BRI3BP: variants seen among roughly 807,000 people sequenced by gnomAD.
The protein encoded by BRI3BP is BRI3 binding protein.
Under a neutral mutation model 15.8 loss-of-function variants are expected in BRI3BP, and 7 were observed. That is an observed-to-expected ratio of 0.44 (90% CI 0.25 to 0.83). The LOEUF (loss-of-function observed/expected upper bound fraction) is 0.83. Ranked by LOEUF, BRI3BP falls within the 40% of genes least tolerant of loss-of-function variation. The pLI, the probability that BRI3BP is intolerant of heterozygous loss-of-function variation, is 0.20. For synonymous variants in BRI3BP, 192 were observed against 163.5 expected, an observed-to-expected ratio of 1.17 and a Z score of -1.33; for missense variants, 320 against 339.3, an observed-to-expected ratio of 0.94 and a Z score of 0.45.
At chr12:125,002,016 T>C (rs1223142702) in intron 1 of BRI3BP, among the ~76,000 whole-genome samples, 1 of 152,206 alleles carries the variant, frequency 6.6e-6, no homozygotes, top group Non-Finnish European at 1.5e-5. Flanking sequence ...TGTGTCTGGC[T>C]TCTTTCACTT....
At chr12:125,010,445 C>G (rs190979083) in intron 1 of BRI3BP, among the ~76,000 whole-genome samples, 1 of 152,280 alleles carries the variant, frequency 6.6e-6, no homozygotes, top group East Asian at 1.9e-4. Flanking sequence ...CTTATCTCCT[C>G]TGTCCTGTAG....
rs1422221065 is a variant in BRI3BP, at chr12:125,028,769, T to C, written c.*3339T>C. On this transcript the variant is annotated 3_prime_UTR_variant, in exon 3 of 3. Transcript: ENST00000341446. ...AATAATTGGGGATTTTTTTGTTCCT[T>C]CTCCATTCCATGGAACCTTGTAGGG... 3.3e-5 allele frequency: 5 copies of C among 152,218 alleles called. No homozygotes were observed. The highest frequency in any genetic ancestry group is 7.3e-5 in the Non-Finnish European group (5 of 68,040). The allele number at this position is 152,218 out of a possible 1,614,324, so 9.4% of individuals were successfully genotyped here.
Position 124,993,730 on chromosome 12 carries a change from C to G in BRI3BP, c.-61C>G. 1.1e-6 allele frequency: 1 copy of G among 931,026 alleles called. No individual in the cohort carries two copies. The highest frequency in any genetic ancestry group is 1.3e-6 in the Non-Finnish European group (1 of 781,082). 57.7% of individuals were successfully genotyped at this position (931,026 alleles called of 1,614,324 possible). A position where few individuals can be genotyped will look rare whatever the true frequency, so the allele number is the denominator to read the frequency against. On this transcript the variant is annotated 5_prime_UTR_variant, in exon 1 of 3. Transcript: ENST00000341446. Reference sequence around the variant, plus strand: ...CGCCAACCTTGCCCTAGCCGGAGCCCGCTGCGGCCCAGCGCACGGCCCTCA... The same window carrying G: ...CGCCAACCTTGCCCTAGCCGGAGCCGGCTGCGGCCCAGCGCACGGCCCTCA...
the BRI3BP span, among the ~76,000 whole-genome samples, chr12:125,049,231 A>T: frequency 2.6e-4 from 39 of 152,210 alleles, no homozygotes; most frequent in Non-Finnish European, 4.7e-4. Flanking sequence ...GAGAGCCCAG[A>T]TTTAACTCAG....
intron 2 of BRI3BP, among the ~76,000 whole-genome samples, chr12:125,016,582 A>G (rs552888853): frequency 7.2e-5 from 11 of 151,810 alleles, no homozygotes; most frequent in Non-Finnish European, 1.2e-4. Flanking sequence ...CTGAAGTGCA[A>G]TGGCGCTATC....
At chr12:124,999,952 A>G (rs1461145875) in intron 1 of BRI3BP, among the ~76,000 whole-genome samples, 6 of 41,610 alleles carry the variant, frequency 1.4e-4, no homozygotes, top group African/African-American at 5.0e-4. Flanking sequence ...TATGTATGAG[A>G]CAGATGGTCT....
chr12:125,019,643 TTTTTTTTTTTTTTTGCC>T (rs201842429), intron 2 of BRI3BP, among the ~76,000 whole-genome samples: 67,583 of 120,822 alleles, frequency 0.56, 20,527 homozygotes, highest in East Asian at 0.74. Context: ...CCCTTTTTTT[TTTTTTTTTTTTTTTGCC>T]TTTTTTGCTG....
At chr12:125,018,103 G>A (rs1955262975) in intron 2 of BRI3BP, among the ~76,000 whole-genome samples, 1 of 152,152 alleles carries the variant, frequency 6.6e-6, no homozygotes, top group African/African-American at 2.4e-5. Context: ...TCTGGGACCT[G>A]CCAATCTCAC....
intron 1 of BRI3BP, among the ~76,000 whole-genome samples, chr12:124,997,214 C>CTCTTTTTTTTTTTTTTTTTTTTTTTTT (rs1335395514): frequency 1.9e-5 from 1 of 51,550 alleles, no homozygotes; most frequent in Non-Finnish European, 3.2e-5. Context: ...CTTTACTTCT[C>CTCTTTTTTTTTTTTTTTTTTTTTTTTT]TTTTTTTTTT....
intron 1 of BRI3BP, among the ~76,000 whole-genome samples, chr12:125,007,891 C>T (rs1374793497): frequency 6.6e-6 from 1 of 152,224 alleles, no homozygotes; most frequent in African/African-American, 2.4e-5. Flanking sequence ...CCATTGTGCA[C>T]GTATGTCTGG....
chr12:125,023,443 A>C (rs950875033), intron 2 of BRI3BP, among the ~76,000 whole-genome samples: 1 of 152,214 alleles, frequency 6.6e-6, no homozygotes, highest in Non-Finnish European at 1.5e-5. Context: ...GAAATGCTTT[A>C]ATCCTAGGTA....
At chr12:125,037,599 C>T in the BRI3BP span, among the ~76,000 whole-genome samples, 1 of 151,054 alleles carries the variant, frequency 6.6e-6, no homozygotes, top group Non-Finnish European at 1.5e-5. Flanking sequence ...ATCACGAGGC[C>T]AGGAGTTTGA....
At chr12:125,036,564 C>T in the BRI3BP span, among the ~76,000 whole-genome samples, 6 of 130,262 alleles carry the variant, frequency 4.6e-5, no homozygotes, top group South Asian at 1.4e-3. Context: ...CATGAAACAA[C>T]AGCTAGCACA....
In BRI3BP at chr12:125,025,148, C is replaced by G. The variant is rs778337407; in HGVS notation, c.474C>G (p.Phe158Leu). 6.2e-7 allele frequency: 1 copy of G among 1,614,088 alleles called. No homozygotes were observed. Among genetic ancestry groups the G allele is most frequent in the Non-Finnish European group, 8.5e-7 (1 of 1,180,054 alleles). Residue 158 changes from phenylalanine to leucine, a missense_variant, in exon 3 of 3, where the codon TTC becomes TTG. Phe to Leu is a conservative substitution (Grantham distance 22, BLOSUM62 0). Coordinates refer to ENST00000341446, the MANE Select transcript of BRI3BP (RefSeq NM_080626.6). Reference sequence around the variant, plus strand: ...TGCACGTGGTGTTCGGCCGCTTCTTCTGGATCGTGCGGGTCGTCCTGTTTT... The same window carrying G: ...TGCACGTGGTGTTCGGCCGCTTCTTGTGGATCGTGCGGGTCGTCCTGTTTT... The part of the protein sequence containing the change: ...SVLHVVFGRF[F>L]WIVRVVLFSM...
chr12:125,020,376 C>T (rs931519144), intron 2 of BRI3BP, among the ~76,000 whole-genome samples: 3 of 152,190 alleles, frequency 2.0e-5, no homozygotes, highest in Admixed American at 6.5e-5. Flanking sequence ...AGGAACAAGG[C>T]GGTTCTCTGG....
the BRI3BP span, among the ~76,000 whole-genome samples, chr12:125,050,135 G>A: frequency 6.6e-6 from 1 of 152,060 alleles, no homozygotes. Flanking sequence ...GGCGGATCAC[G>A]AGGTCACGAG....
rs947806254 is a variant in BRI3BP at position 125,020,724 on chromosome 12, A to G, written c.317-4267A>G. Reference sequence around the variant, plus strand: ...ACACAGTGAGACCCTGTATCTACAAAAAATCAAAACATTAGCTTGGTGGTG... The same window carrying G: ...ACACAGTGAGACCCTGTATCTACAAGAAATCAAAACATTAGCTTGGTGGTG... On this transcript the variant is annotated intron_variant, in intron 2 of 2. Transcript: ENST00000341446. Among the ~76,000 whole-genome samples, 7 of 152,096 alleles carry G rather than the reference A, an allele frequency of 4.6e-5. No individual in the cohort carries two copies. The East Asian group carries it at 1.3e-3, about 29-fold the overall frequency.
At chr12:125,033,087 A>G (rs1407455977), downstream of BRI3BP, among the ~76,000 whole-genome samples, 1 of 152,214 alleles carries the variant, frequency 6.6e-6, no homozygotes, top group Non-Finnish European at 1.5e-5. Flanking sequence ...TGAAGGAAAA[A>G]TAGAATCTCG....
chr12:125,016,914 A>G (rs1594534918), intron 2 of BRI3BP, among the ~76,000 whole-genome samples: 1 of 136,372 alleles, frequency 7.3e-6, no homozygotes, highest in South Asian at 2.4e-4. Flanking sequence ...AGCTCACTGC[A>G]ACCTCCACCA....
Sources: allele counts gnomAD v4.1 joint callset (sites outside exome capture counted in the v4.1 genomes callset), GRCh38; gene constraint gnomAD v4.1.1; transcripts MANE v1.5; gene names NCBI Gene and HGNC (gene_info 2026-07-23, HGNC 2026-07-21).